C5: variants seen among roughly 807,000 people sequenced by gnomAD.
C5 encodes complement C5.
A neutral mutation model predicts 218.8 loss-of-function variants in C5; 140 were observed. The ratio of observed to expected loss-of-function variants is 0.64; its 90% CI spans 0.56 to 0.74. C5 has a LOEUF of 0.74. C5 is among the 30% of genes least tolerant of loss of function. C5 has a pLI of 0.00. For missense variants in C5, 1,700 were observed against 1,969.6 expected, an observed-to-expected ratio of 0.86 and a Z score of 2.59; for synonymous variants, 614 against 682.3, an observed-to-expected ratio of 0.90 and a Z score of 1.56.
chr9:120,963,548 T>C, intron 34 of C5, 88 bp downstream of exon 34: 6 of 999,210 alleles, frequency 6.0e-6, no homozygotes, highest in South Asian at 1.4e-5. Flanking sequence ...AAGTGGTATA[T>C]TCAAATGAAA....
intron 20 of C5, among the ~76,000 whole-genome samples, chr9:121,003,478 A>G (rs1000997579): frequency 6.6e-6 from 1 of 152,222 alleles, no homozygotes; most frequent in African/African-American, 2.4e-5. Flanking sequence ...TGTGAAAAAA[A>G]GAGTGACATT....
chr9:120,989,922 G>T, intron 23 of C5, 142 bp from the exon 24 acceptor site: 1 of 479,542 alleles, frequency 2.1e-6, no homozygotes, highest in Non-Finnish European at 3.6e-6. Flanking sequence ...AACGGGGTGA[G>T]AAAAAAAGAT....
chr9:121,034,733 CT>C, intron 5 of C5, 69 bp downstream of exon 5: 2 of 825,538 alleles, frequency 2.4e-6, no homozygotes. Flanking sequence ...AGGTGGCCCC[CT>C]TTAACTGGTT....
intron 21 of C5, among the ~76,000 whole-genome samples, chr9:120,996,657 T>C (rs2047118710): frequency 6.6e-6 from 1 of 152,250 alleles, no homozygotes; most frequent in Non-Finnish European, 1.5e-5. Context: ...ACTGTCACAC[T>C]GCTAGGAGGT....
upstream of C5, among the ~76,000 whole-genome samples, chr9:121,051,253 G>T (rs1466777361): frequency 6.6e-6 from 1 of 151,596 alleles, no homozygotes; most frequent in Non-Finnish European, 1.5e-5. Flanking sequence ...CTCCCAAGTA[G>T]CTGGGACTAC....
At chr9:121,073,586 G>C in the C5 span, among the ~76,000 whole-genome samples, 3 of 145,394 alleles carry the variant, frequency 2.1e-5, no homozygotes, top group African/African-American at 7.8e-5. Context: ...GCGCGATCTC[G>C]GCTCACTGCA....
At chr9:120,965,351 C>T (rs1362565864) in intron 33 of C5, among the ~76,000 whole-genome samples, 4 of 151,908 alleles carry the variant, frequency 2.6e-5, no homozygotes, top group Non-Finnish European at 5.9e-5. Flanking sequence ...GAAACCACTT[C>T]TCTACTAAAA....
the C5 span, among the ~76,000 whole-genome samples, chr9:121,064,951 T>C: frequency 6.6e-6 from 1 of 152,006 alleles, no homozygotes; most frequent in African/African-American, 2.4e-5. Context: ...GTAATAAATA[T>C]CCCAGCTACT....
At chr9:121,029,146 C>T (rs749837177) in intron 7 of C5, among the ~76,000 whole-genome samples, 2 of 152,182 alleles carry the variant, frequency 1.3e-5, no homozygotes, top group Non-Finnish European at 2.9e-5. Flanking sequence ...AAACTTTCTA[C>T]CCAGCAAATA....
chr9:120,998,367 T>C (rs1454311703), intron 20 of C5, among the ~76,000 whole-genome samples: 2 of 152,268 alleles, frequency 1.3e-5, no homozygotes, highest in Non-Finnish European at 2.9e-5. Context: ...CTCATGCTGT[T>C]GTGATAGCAC....
chr9:121,067,037 G>A, the C5 span, among the ~76,000 whole-genome samples: 2 of 151,974 alleles, frequency 1.3e-5, no homozygotes, highest in Non-Finnish European at 2.9e-5. Flanking sequence ...AGGCTGAGGT[G>A]GGAGGATCAC....
chr9:121,037,061 G>A (rs931850822), intron 4 of C5, among the ~76,000 whole-genome samples: 2 of 151,830 alleles, frequency 1.3e-5, no homozygotes, highest in African/African-American at 4.8e-5. Flanking sequence ...CACAGCGTCT[G>A]TTACATATGT....
intron 25 of C5, among the ~76,000 whole-genome samples, chr9:120,983,514 TAA>T (rs1173965615): frequency 3.9e-5 from 6 of 152,168 alleles, no homozygotes; most frequent in Non-Finnish European, 4.4e-5. Context: ...TTCCCCCACT[TAA>T]AAAATTTGTG....
the C5 span, among the ~76,000 whole-genome samples, chr9:121,069,213 C>G: frequency 6.6e-5 from 10 of 152,092 alleles, no homozygotes; most frequent in African/African-American, 2.2e-4. Context: ...GAAGAAACAA[C>G]CCAGAGAATG....
chr9:121,055,178 C>T (rs1476602026), upstream of C5, among the ~76,000 whole-genome samples: 2 of 151,940 alleles, frequency 1.3e-5, no homozygotes, highest in Non-Finnish European at 1.5e-5. Flanking sequence ...CTCTTTTCTC[C>T]TGGAAATGTA....
the C5 span, among the ~76,000 whole-genome samples, chr9:121,069,667 C>T: frequency 6.6e-6 from 1 of 152,040 alleles, no homozygotes; most frequent in Non-Finnish European, 1.5e-5. Context: ...CAAGTGCCAT[C>T]ACACCCAGCT....
In C5 at chr9:121,021,669, T is replaced by C. The variant is rs1172048820; in HGVS notation, c.1142A>G (p.Gln381Arg). 2.5e-6 allele frequency: 4 copies of C among 1,613,944 alleles called. No individual in the cohort carries two copies. Among genetic ancestry groups the C allele is most frequent in the Non-Finnish European group, 3.4e-6 (4 of 1,179,808 alleles). Residue 381 changes from glutamine (Q) to arginine (R), a missense_variant, in exon 11 of 41, where the codon CAG becomes CGG. Transcript: ENST00000223642. ...IKVQVKDSLD[Q>R]LVGGVPVTLN... is the part of the protein sequence containing the mutation. ...TGTTACTGGGACTCCTCCTACCAAC[T>C]GGTCAAGCGAATCTTTAACCTGCAC...
At chr9:120,970,595 TA>T (rs2046904159) in intron 31 of C5, among the ~76,000 whole-genome samples, 1 of 152,196 alleles carries the variant, frequency 6.6e-6, no homozygotes, top group Non-Finnish European at 1.5e-5. Context: ...AGCACAAGGC[TA>T]AGAAGTGTGG....
At chr9:121,030,298 T>C (rs1564159623) in intron 7 of C5, 99 bp downstream of exon 7, 4 of 652,580 alleles carry the variant, frequency 6.1e-6, no homozygotes, top group Non-Finnish European at 1.1e-5. Flanking sequence ...CACACTTTGA[T>C]AATAAATCAC....
Sources: gnomAD v4.1 joint callset for allele counts (sites outside exome capture counted in the v4.1 genomes callset) on GRCh38, gnomAD v4.1.1 for gene constraint, MANE v1.5 for transcripts, NCBI Gene and HGNC (gene_info 2026-07-23, HGNC 2026-07-21) for gene names.